LUC7L2: variants seen among roughly 807,000 people sequenced by gnomAD.
The protein encoded by LUC7L2 is putative RNA-binding protein Luc7-like 2.
In LUC7L2, 25 loss-of-function variants were observed where a neutral mutation model predicts 52.8. The observed-to-expected ratio is 0.47, with a 90% CI of 0.34 to 0.66. The LOEUF (loss-of-function observed/expected upper bound fraction) is 0.66, where lower values mean the gene tolerates loss of function less well. Among genes scored for constraint, LUC7L2 ranks in the 30% least tolerant of loss-of-function variants. The probability of loss-of-function intolerance (pLI) is 0.01; values close to 1 mark genes in which losing one functional copy is unlikely to be tolerated. For missense variants in LUC7L2, 328 were observed against 497.8 expected, an observed-to-expected ratio of 0.66 and a Z score of 3.25; for synonymous variants, 144 against 160.9, an observed-to-expected ratio of 0.89 and a Z score of 0.80.
chr7:139,393,867 A>G (rs1025554015), intron 2 of LUC7L2, among the ~76,000 whole-genome samples: 1 of 152,238 alleles, frequency 6.6e-6, no homozygotes, highest in African/African-American at 2.4e-5. Flanking sequence ...TGCCTTGGCT[A>G]TACCTACTGT....
intron 8 of LUC7L2, chr7:139,412,841 A>G (rs1007460852): frequency 3.5e-5 from 8 of 230,684 alleles, no homozygotes; most frequent in Admixed American, 1.7e-4. Flanking sequence ...AAAAAAAAAA[A>G]AAAAAAAGAA....
In LUC7L2 at chr7:139,383,283, T is replaced by TTTTTTTTGAA. The variant is rs1200890390; in HGVS notation, c.156+7135_156+7136insAATTTTTTTG. ...GGCATGCGCCACCACACCTGGCTAA[T>TTTTTTTTGAA]TTTTTTTGTATTTTTAGTAGAGACG... On this transcript the variant is annotated intron_variant, in intron 2 of 9. Coordinates refer to ENST00000354926, the MANE Select transcript of LUC7L2 (RefSeq NM_016019.5). Among the ~76,000 whole-genome samples, 7 of 151,588 alleles carry TTTTTTTTGAA rather than the reference T, an allele frequency of 4.6e-5. No homozygotes were observed. The East Asian group carries it at 1.4e-3, about 29-fold the overall frequency.
At chr7:139,400,891 C>T (rs1343419548) in intron 3 of LUC7L2, among the ~76,000 whole-genome samples, 1 of 152,090 alleles carries the variant, frequency 6.6e-6, no homozygotes, top group African/African-American at 2.4e-5. Flanking sequence ...AGAAATGATC[C>T]TTATTGCTTT....
rs536826424 is a variant in LUC7L2 at position 139,413,501 on chromosome 7, C to G, written c.809+921C>G. The stretch of plus-strand genomic sequence containing the variant: ...GTTATGAAAGAAAAACCTGGCTGAG[C>G]GCAGTGCCTCACGCTTATACCATCA... On this transcript the variant is annotated intron_variant, in intron 8 of 9. Transcript: ENST00000354926. 1.4e-4 allele frequency among the ~76,000 whole-genome samples: 21 copies of G among 152,320 alleles called. No homozygotes were observed. The South Asian group carries it at 4.1e-3, about 30-fold the overall frequency.
intron 3 of LUC7L2, among the ~76,000 whole-genome samples, chr7:139,399,671 G>A (rs953308273): frequency 1.3e-5 from 2 of 151,576 alleles, no homozygotes; most frequent in African/African-American, 4.8e-5. Flanking sequence ...GGGTTTCACC[G>A]TGTTAGCTAG....
At chr7:139,379,046 G>A (rs1285986727) in intron 2 of LUC7L2, among the ~76,000 whole-genome samples, 1 of 152,094 alleles carries the variant, frequency 6.6e-6, no homozygotes, top group African/African-American at 2.4e-5. Flanking sequence ...TAGTAGAGAC[G>A]GGGTTTCACC....
intron 7 of LUC7L2, among the ~76,000 whole-genome samples, chr7:139,410,000 G>A (rs978803221): frequency 7.2e-5 from 11 of 152,150 alleles, no homozygotes; most frequent in African/African-American, 2.4e-4. Context: ...GAGGTCAGGA[G>A]ATCGAGACCA....
At chr7:139,413,169 G>A (rs1015375982) in intron 8 of LUC7L2, among the ~76,000 whole-genome samples, 13 of 152,154 alleles carry the variant, frequency 8.5e-5, no homozygotes, top group African/African-American at 3.1e-4. Flanking sequence ...GACTTTCAGC[G>A]TTAATATTTG....
intron 2 of LUC7L2, among the ~76,000 whole-genome samples, chr7:139,383,466 T>G (rs1801148545): frequency 6.7e-6 from 1 of 149,378 alleles, no homozygotes; most frequent in Non-Finnish European, 1.5e-5. Context: ...AGCTGGAGTG[T>G]AATGGCGCGA....
At chr7:139,363,367 C>T (rs1366609002) in intron 1 of LUC7L2, 1 of 421,028 alleles carries the variant, frequency 2.4e-6, no homozygotes, top group Non-Finnish European at 3.2e-6. Flanking sequence ...TCTGATAAGG[C>T]ATCATGGGCT....
chr7:139,388,850 T>G (rs910929841), intron 2 of LUC7L2, among the ~76,000 whole-genome samples: 1 of 152,018 alleles, frequency 6.6e-6, no homozygotes, highest in Non-Finnish European at 1.5e-5. Flanking sequence ...TAATTTCCAT[T>G]TAGCTAATAC....
chr7:139,421,820 C>T (rs1795919832), intron 9 of LUC7L2, among the ~76,000 whole-genome samples: 1 of 152,198 alleles, frequency 6.6e-6, no homozygotes, highest in African/African-American at 2.4e-5. Context: ...TTAGATAATA[C>T]ATTTCTTTCA....
chr7:139,363,495 T>A (rs938081479), intron 1 of LUC7L2, among the ~76,000 whole-genome samples: 1 of 152,206 alleles, frequency 6.6e-6, no homozygotes, highest in South Asian at 2.1e-4. Context: ...AATCTGTAAT[T>A]TGTTATATGG....
chr7:139,375,701 C>A, intron 1 of LUC7L2: 1 of 824,498 alleles, frequency 1.2e-6, no homozygotes. Context: ...CTTAGTGGGT[C>A]TGCAAGTTGC....
At chr7:139,402,591 A>T (rs1794960461) in intron 4 of LUC7L2, among the ~76,000 whole-genome samples, 1 of 152,104 alleles carries the variant, frequency 6.6e-6, no homozygotes, top group Non-Finnish European at 1.5e-5. Flanking sequence ...CAGTGGTGTA[A>T]TCTTGGCTTG....
chr7:139,378,593 A>G (rs1208499150), intron 2 of LUC7L2, among the ~76,000 whole-genome samples: 2 of 152,202 alleles, frequency 1.3e-5, no homozygotes, highest in Admixed American at 1.3e-4. Flanking sequence ...GAAAAAAGAA[A>G]AATCAACAGT....
At chr7:139,387,977 C>T (rs1411620222) in intron 2 of LUC7L2, among the ~76,000 whole-genome samples, 4 of 152,118 alleles carry the variant, frequency 2.6e-5, no homozygotes, top group Admixed American at 6.6e-5. Flanking sequence ...TTCTTTCCCT[C>T]GCATGCTTCT....
chr7:139,421,975 ATCT>A (rs1226277987), intron 9 of LUC7L2, among the ~76,000 whole-genome samples, 185 bp from the exon 10 acceptor site: 4 of 152,074 alleles, frequency 2.6e-5, no homozygotes, highest in Admixed American at 6.5e-5. Context: ...TTTTTCACCC[ATCT>A]TCTTGTTTTA....
intron 2 of LUC7L2, among the ~76,000 whole-genome samples, chr7:139,392,968 TA>T (rs540394989): frequency 1.4e-5 from 2 of 146,630 alleles, no homozygotes; most frequent in African/African-American, 2.5e-5. Context: ...CTTGTTAAAT[TA>T]AAAAAAAAAT....
Sources: gnomAD v4.1 joint callset for allele counts (sites outside exome capture counted in the v4.1 genomes callset) on GRCh38, gnomAD v4.1.1 for gene constraint, MANE v1.5 for transcripts, NCBI Gene and HGNC (gene_info 2026-07-23, HGNC 2026-07-21) for gene names.